Variants in NARF observed in about 807,000 individuals in gnomAD.
The protein encoded by NARF is nuclear prelamin A recognition factor, also known as iron-only hydrogenase-like protein 2.
NARF carries 41 observed loss-of-function variants against 48.0 expected under a neutral mutation model. The ratio of observed to expected loss-of-function variants is 0.85; its 90% CI spans 0.66 to 1.11. The LOEUF (loss-of-function observed/expected upper bound fraction) is 1.11, where lower values mean the gene tolerates loss of function less well. NARF is among the 50% of genes least tolerant of loss of function. NARF has a pLI of 0.00. For missense variants in NARF, 613 were observed against 590.2 expected (o/e 1.04, Z -0.40); for synonymous variants, 215 against 225.5 (o/e 0.95, Z 0.42).
rs949801563 is a variant in NARF at position 82,485,008 on chromosome 17, G to A, written c.971+58G>A. 2.1e-5 allele frequency: 32 copies of A among 1,528,630 alleles called. No individual in the cohort carries two copies. In the African/African-American group the frequency reaches 3.2e-4, roughly 15 times the overall value. 94.7% of individuals were successfully genotyped at this position (1,528,630 alleles called of 1,614,324 possible). A position where few individuals can be genotyped will look rare whatever the true frequency, so the allele number is the denominator to read the frequency against. ...TGTGGTTAGCACGTGTGCATGGTGTGCCTGTATGGATCTGTGCATGTGGCG... is the reference window on the plus strand; with the variant it reads ...TGTGGTTAGCACGTGTGCATGGTGTACCTGTATGGATCTGTGCATGTGGCG... On this transcript the variant is annotated intron_variant, in intron 9 of 10. Transcript: ENST00000309794.
chr17:82,460,212 C>G (rs1386588657), intron 2 of NARF, 140 bp downstream of exon 2: 1 of 683,006 alleles, frequency 1.5e-6, no homozygotes, highest in South Asian at 1.9e-5. Context: ...CGCCTGGAAT[C>G]CCAGCACTTT....
chr17:82,460,100 G>A (rs1381454804), intron 2 of NARF, 28 bp downstream of exon 2: 14 of 1,590,174 alleles, frequency 8.8e-6, no homozygotes, highest in Non-Finnish European at 1.1e-5. Context: ...TTTTGTATCA[G>A]CCCAGAGTAA....
intron 3 of NARF, among the ~76,000 whole-genome samples, chr17:82,466,391 T>C (rs560327515): frequency 3.3e-4 from 50 of 152,302 alleles, no homozygotes; most frequent in African/African-American, 1.2e-3. Flanking sequence ...TTTTATCTTA[T>C]GCTGCTTGTC....
intron 3 of NARF, 96 bp from the exon 4 acceptor site, chr17:82,468,668 A>G (rs1281145998): frequency 1.7e-6 from 2 of 1,165,700 alleles, no homozygotes; most frequent in Non-Finnish European, 2.4e-6. Flanking sequence ...TGCATAGACC[A>G]TCTATTAACG....
rs1599835187 is a variant in NARF at position 82,472,616 on chromosome 17, G to A, written c.438G>A (p.Glu146=). 1 of 1,613,804 alleles carries A rather than the reference G, an allele frequency of 6.2e-7. No homozygotes were observed. The highest frequency in any genetic ancestry group is 8.5e-7 in the Non-Finnish European group (1 of 1,179,888). The change falls in exon 5 of 11, where the codon GAG becomes GAA. Residue 146 remains glutamate (E), a synonymous_variant. Transcript: ENST00000309794. ...TTIAADFSIL[E]SQKEFVRRYR... is the part of the protein sequence containing the mutation. The stretch of plus-strand genomic sequence containing the variant: ...TAGCTGCGGATTTTAGTATCCTGGA[G>A]AGTCAAAAAGAATTCGTGCGTCGCT...
chr17:82,464,500 C>T, intron 3 of NARF, 70 bp downstream of exon 3: 3 of 1,533,162 alleles, frequency 2.0e-6, no homozygotes, highest in South Asian at 2.5e-5. Context: ...GGCCTGGCTT[C>T]CTGCACAGAA....
upstream of NARF, chr17:82,458,499 C>G: frequency 2.7e-6 from 1 of 364,986 alleles, no homozygotes; most frequent in South Asian, 7.8e-5. Flanking sequence ...GACCCGGTCC[C>G]CCCGGCGCCG....
intron 6 of NARF, chr17:82,480,349 A>C: frequency 2.5e-6 from 1 of 401,668 alleles, no homozygotes; most frequent in Non-Finnish European, 4.4e-6. Flanking sequence ...ATGCTGGACC[A>C]GCAACAGCTC....
chr17:82,463,302 C>T (rs1419945996), intron 2 of NARF: 1 of 152,162 alleles, frequency 6.6e-6, no homozygotes, highest in East Asian at 1.9e-4. Context: ...GTGTGCAGTA[C>T]CTCTTGGAAG....
At chr17:82,462,593 C>A (rs1377066250) in intron 2 of NARF, 3 of 152,498 alleles carry the variant, frequency 2.0e-5, no homozygotes, top group Non-Finnish European at 4.4e-5. Context: ...ACTGGGCCTT[C>A]TACGGTGTGT....
chr17:82,478,384 G>C (rs982414079), intron 5 of NARF, among the ~76,000 whole-genome samples: 1 of 152,208 alleles, frequency 6.6e-6, no homozygotes, highest in Non-Finnish European at 1.5e-5. Flanking sequence ...GAGAAGTTGG[G>C]CAAGCATGTG....
intron 7 of NARF, 33 bp downstream of exon 7, chr17:82,481,244 G>T: frequency 6.2e-7 from 1 of 1,611,368 alleles, no homozygotes. Context: ...CCTGGGCGCT[G>T]GGGTAATCTC....
At chr17:82,464,464 A>C in intron 3 of NARF, 34 bp downstream of exon 3, 1 of 1,589,028 alleles carries the variant, frequency 6.3e-7, no homozygotes, top group Non-Finnish European at 8.6e-7. Flanking sequence ...GATGCTGGGG[A>C]GCTGACCTGG....
chr17:82,471,221 C>T lies in NARF; in HGVS notation c.386-1343C>T, dbSNP rs374130711. 1.6e-3 allele frequency among the ~76,000 whole-genome samples: 235 copies of T among 150,910 alleles called. 1 individual carries two copies. The highest frequency in any genetic ancestry group is 2.7e-3 in the Non-Finnish European group (186 of 67,788). On this transcript the variant is annotated intron_variant, in intron 4 of 10. Coordinates refer to ENST00000309794, the MANE Select transcript of NARF (RefSeq NM_012336.4). The stretch of plus-strand genomic sequence containing the variant: ...CTGTAATCCCAGCACTTTGGGAGGC[C>T]GAGGTGGGCGGATCACGAGGTCAGG...
At chr17:82,462,569 T>G (rs975009802) in intron 2 of NARF, 5 of 152,470 alleles carry the variant, frequency 3.3e-5, no homozygotes, top group African/African-American at 1.2e-4. Flanking sequence ...GAGTGCAGTT[T>G]TAGCTCCACA....
At chr17:82,474,154 C>T (rs1157920666) in intron 5 of NARF, among the ~76,000 whole-genome samples, 1 of 152,176 alleles carries the variant, frequency 6.6e-6, no homozygotes. Context: ...GTACTCCAGC[C>T]TGGGCGAAAG....
chr17:82,459,329 G>A, intron 1 of NARF: 6 of 311,528 alleles, frequency 1.9e-5, no homozygotes, highest in Non-Finnish European at 2.3e-5. Flanking sequence ...TGTTATTGCC[G>A]GAATGGGCTC....
At chr17:82,483,287 C>G in intron 7 of NARF, 1 of 357,612 alleles carries the variant, frequency 2.8e-6, no homozygotes, top group South Asian at 2.0e-5. Context: ...CCACTGGACT[C>G]CAGCCTGGGC....
chr17:82,468,033 C>T (rs1178287641), intron 3 of NARF, among the ~76,000 whole-genome samples: 1 of 151,996 alleles, frequency 6.6e-6, no homozygotes, highest in African/African-American at 2.4e-5. Flanking sequence ...GAGTATTGGC[C>T]AGGCTAGGTG....
Sources: allele counts gnomAD v4.1 joint callset (sites outside exome capture counted in the v4.1 genomes callset), GRCh38; gene constraint gnomAD v4.1.1; transcripts MANE v1.5; gene names NCBI Gene and HGNC (gene_info 2026-07-23, HGNC 2026-07-21).